The following MDGA2 variants were observed in gnomAD, a reference collection of about 807,000 sequenced individuals.
The protein encoded by MDGA2 is MAM domain-containing glycosylphosphatidylinositol anchor protein 2.
Under a neutral mutation model 117.8 loss-of-function variants are expected in MDGA2, and 40 were observed. The ratio of observed to expected loss-of-function variants is 0.34; its 90% CI spans 0.26 to 0.44. MDGA2 has a LOEUF of 0.44. MDGA2 is among the 20% of genes least tolerant of loss of function. MDGA2 has a pLI of 1.00. For synonymous variants in MDGA2, 452 were observed against 439.0 expected (o/e 1.03, Z -0.37); for missense variants, 1,123 against 1,250.6 (o/e 0.90, Z 1.54).
intron 1 of MDGA2, among the ~76,000 whole-genome samples, chr14:47,568,923 T>G (rs1895967832): frequency 6.6e-6 from 1 of 151,998 alleles, no homozygotes; most frequent in Non-Finnish European, 1.5e-5. Flanking sequence ...ATTTCTTCCC[T>G]CACATCTTAC....
intron 7 of MDGA2, among the ~76,000 whole-genome samples, chr14:47,044,294 T>A (rs796476453): frequency 1.3e-5 from 2 of 152,316 alleles, no homozygotes; most frequent in African/African-American, 4.8e-5. Flanking sequence ...TTTTATAATG[T>A]TAGTACATCT....
At chr14:47,552,401 G>GTTTAACCC (rs1371557989) in intron 1 of MDGA2, among the ~76,000 whole-genome samples, 1 of 152,300 alleles carries the variant, frequency 6.6e-6, no homozygotes, top group East Asian at 1.9e-4. Flanking sequence ...CTCTTCCACA[G>GTTTAACCC]TTTAACCCTC....
chr14:46,886,263 C>T (rs926211879), intron 10 of MDGA2, among the ~76,000 whole-genome samples: 4 of 151,892 alleles, frequency 2.6e-5, no homozygotes, highest in South Asian at 2.1e-4. Context: ...ATACCTCAAT[C>T]GTTTAAGAGG....
In MDGA2 at chr14:46,941,246, GAGA is replaced by G. The variant is rs1181400797; in HGVS notation, c.2089+16125_2089+16127del. On this transcript the variant is annotated intron_variant, in intron 9 of 16. Coordinates refer to ENST00000399232, the MANE Select transcript of MDGA2 (RefSeq NM_001113498.3). ...ATAGACAAAGTCATTAGAATGATAAGAGAAGGAGATTTCTTAAGTAATGCTCAC... is the reference window on the plus strand; with the variant it reads ...ATAGACAAAGTCATTAGAATGATAAGAGGAGATTTCTTAAGTAATGCTCAC... Among the ~76,000 whole-genome samples, 14 of 152,274 alleles carry G rather than the reference GAGA, an allele frequency of 9.2e-5. No individual in the cohort carries two copies. In the East Asian group the frequency reaches 2.7e-3, roughly 29 times the overall value.
chr14:47,166,652 G>C (rs1883891223), intron 3 of MDGA2, among the ~76,000 whole-genome samples: 1 of 152,080 alleles, frequency 6.6e-6, no homozygotes, highest in Non-Finnish European at 1.5e-5. Flanking sequence ...TCCAGCTCTA[G>C]ACTTCTAGTC....
intron 1 of MDGA2, among the ~76,000 whole-genome samples, chr14:47,402,445 C>T (rs1241425997): frequency 6.7e-6 from 1 of 149,382 alleles, no homozygotes; most frequent in Non-Finnish European, 1.5e-5. Flanking sequence ...GAAGGCTAAA[C>T]TTGTCCTCAG....
At chr14:46,877,214 G>T (rs559897267) in intron 12 of MDGA2, among the ~76,000 whole-genome samples, 1 of 151,488 alleles carries the variant, frequency 6.6e-6, no homozygotes, top group African/African-American at 2.4e-5. Flanking sequence ...TCCCACAGCT[G>T]CAGAAATAGC....
At chr14:47,164,611 G>A (rs1883785750) in intron 3 of MDGA2, among the ~76,000 whole-genome samples, 2 of 152,310 alleles carry the variant, frequency 1.3e-5, no homozygotes, top group African/African-American at 4.8e-5. Context: ...AACAGGTGTT[G>A]GAGAGGATGT....
intron 8 of MDGA2, among the ~76,000 whole-genome samples, chr14:47,012,835 T>G (rs529564790): frequency 6.6e-6 from 1 of 152,244 alleles, no homozygotes; most frequent in East Asian, 1.9e-4. Flanking sequence ...AGCCACGAAT[T>G]TTTTTGGTTT....
At chr14:47,243,514 G>A (rs1001138869) in intron 2 of MDGA2, among the ~76,000 whole-genome samples, 25 of 151,616 alleles carry the variant, frequency 1.6e-4, no homozygotes, top group African/African-American at 6.0e-4. Context: ...CACTCACAGC[G>A]AAGATCTGCA....
intron 8 of MDGA2, among the ~76,000 whole-genome samples, chr14:47,004,031 G>A (rs1490421525): frequency 2.0e-5 from 3 of 151,800 alleles, no homozygotes; most frequent in Non-Finnish European, 4.4e-5. Flanking sequence ...CAGACTGTGA[G>A]AAAACATTTG....
chr14:47,671,763 A>C (rs763946584), intron 1 of MDGA2, among the ~76,000 whole-genome samples: 7 of 152,228 alleles, frequency 4.6e-5, no homozygotes, highest in Non-Finnish European at 1.0e-4. Flanking sequence ...TTATTCATAT[A>C]AAATGTTCAA....
At chr14:47,197,010 T>G (rs1885310461) in intron 3 of MDGA2, among the ~76,000 whole-genome samples, 1 of 152,224 alleles carries the variant, frequency 6.6e-6, no homozygotes, top group African/African-American at 2.4e-5. Context: ...TTATTTTGTA[T>G]GACTGCATAG....
At chr14:47,210,652 C>T (rs760331547) in intron 3 of MDGA2, among the ~76,000 whole-genome samples, 4 of 152,172 alleles carry the variant, frequency 2.6e-5, no homozygotes, top group Admixed American at 6.5e-5. Flanking sequence ...GTGGCCATTG[C>T]TTCTTAGGAC....
At chr14:47,206,206 C>T (rs1885676906) in intron 3 of MDGA2, among the ~76,000 whole-genome samples, 1 of 151,938 alleles carries the variant, frequency 6.6e-6, no homozygotes, top group Non-Finnish European at 1.5e-5. Context: ...CATGTCTTTG[C>T]CTGAATGCTT....
At chr14:47,565,735 C>T (rs1051205285) in intron 1 of MDGA2, among the ~76,000 whole-genome samples, 1 of 151,988 alleles carries the variant, frequency 6.6e-6, no homozygotes, top group African/African-American at 2.4e-5. Flanking sequence ...CATAGGCAGC[C>T]CTGGGGGCTG....
At chr14:47,327,445 T>C (rs1453833677) in intron 1 of MDGA2, among the ~76,000 whole-genome samples, 1 of 152,190 alleles carries the variant, frequency 6.6e-6, no homozygotes, top group East Asian at 1.9e-4. Context: ...CATCTGATTC[T>C]CCATAACAAG....
At chr14:47,252,625 C>T (rs1344539940) in intron 2 of MDGA2, among the ~76,000 whole-genome samples, 1 of 152,100 alleles carries the variant, frequency 6.6e-6, no homozygotes, top group Admixed American at 6.5e-5. Flanking sequence ...GGTGATGAAA[C>T]ACAAGTGCTT....
chr14:47,045,746 C>G (rs1472505492), intron 7 of MDGA2, among the ~76,000 whole-genome samples: 1 of 152,088 alleles, frequency 6.6e-6, no homozygotes, highest in Admixed American at 6.6e-5. Flanking sequence ...GGGTGGATCA[C>G]CTGAGGTCAG....
Sources: gnomAD v4.1 joint callset for allele counts (sites outside exome capture counted in the v4.1 genomes callset) on GRCh38, gnomAD v4.1.1 for gene constraint, MANE v1.5 for transcripts, NCBI Gene and HGNC (gene_info 2026-07-23, HGNC 2026-07-21) for gene names.